FRAS1: variants seen among roughly 807,000 people sequenced by gnomAD.
FRAS1 encodes the protein extracellular matrix organizing protein FRAS1.
Under a neutral mutation model 435.2 loss-of-function variants are expected in FRAS1, and 290 were observed. That is an observed-to-expected ratio of 0.67 (90% CI 0.61 to 0.73). FRAS1 has a LOEUF of 0.73. Among genes scored for constraint, FRAS1 ranks in the 30% least tolerant of loss-of-function variants. The pLI is 0.00. For missense variants in FRAS1, 4,860 were observed against 5,001.5 expected (o/e 0.97, Z 0.85); for synonymous variants, 1,800 against 1,851.0 (o/e 0.97, Z 0.71).
At chr4:78,271,312 C>T (rs986989175) in intron 9 of FRAS1, among the ~76,000 whole-genome samples, 60 of 151,986 alleles carry the variant, frequency 3.9e-4, no homozygotes, top group African/African-American at 1.4e-3. Flanking sequence ...ATTGTTTTCT[C>T]CATTAATTTT....
intron 20 of FRAS1, among the ~76,000 whole-genome samples, chr4:78,361,838 C>T (rs1688360058): frequency 6.6e-6 from 1 of 152,128 alleles, no homozygotes; most frequent in Non-Finnish European, 1.5e-5. Context: ...GGTGGGAAGG[C>T]CCCGTAACCA....
Position 78,150,176 on chromosome 4 carries a change from C to A in FRAS1, c.108+84160C>A, listed in dbSNP as rs967518562. Among the ~76,000 whole-genome samples the A allele has an allele frequency of 2.6e-5, 4 of 152,306 alleles. No individual in the cohort carries two copies. The South Asian group carries it at 8.3e-4, about 32-fold the overall frequency. ...GAGGAAGGCCCCAGAGCTTGTAAAGCCCATCTCAGGAAGAGCCTGCAGACT... is the reference window on the plus strand; with the variant it reads ...GAGGAAGGCCCCAGAGCTTGTAAAGACCATCTCAGGAAGAGCCTGCAGACT... On this transcript the variant is annotated intron_variant, in intron 2 of 73. Coordinates refer to ENST00000512123, the MANE Select transcript of FRAS1 (RefSeq NM_025074.7).
intron 2 of FRAS1, among the ~76,000 whole-genome samples, chr4:78,123,569 G>A (rs571866017): frequency 1.3e-5 from 2 of 152,190 alleles, no homozygotes; most frequent in African/African-American, 2.4e-5. Flanking sequence ...ATTTTGGGCA[G>A]TAAGGCCATT....
At chr4:78,434,352 T>G (rs1193849249) in intron 38 of FRAS1, among the ~76,000 whole-genome samples, 1 of 152,178 alleles carries the variant, frequency 6.6e-6, no homozygotes, top group African/African-American at 2.4e-5. Flanking sequence ...ACAGCATGGG[T>G]TCTGGAGTTA....
chr4:78,064,928 GT>G (rs1207533851), intron 1 of FRAS1, among the ~76,000 whole-genome samples: 1 of 151,630 alleles, frequency 6.6e-6, no homozygotes, highest in Non-Finnish European at 1.5e-5. Context: ...TGCAGACTCA[GT>G]TTCTGAGAGA....
Position 78,445,602 on chromosome 4 carries a change from T to TAC in FRAS1, c.5747_5748dup (p.Phe1917ThrfsTer20). On this transcript the variant is annotated frameshift_variant, in exon 42 of 74. Coordinates refer to ENST00000512123, the MANE Select transcript of FRAS1 (RefSeq NM_025074.7). LOFTEE classifies it high-confidence loss of function. ...AGACGTCCTGGAAAACTACATTTAC[T>TAC]ACTTTCAGAGTGTTCATGAAAGCAT... The TAC allele has an allele frequency of 1.2e-6, 2 of 1,613,656 alleles. No individual in the cohort carries two copies. Among genetic ancestry groups the TAC allele is most frequent in the Non-Finnish European group, 1.7e-6 (2 of 1,179,690 alleles).
intron 26 of FRAS1, 47 bp from the exon 27 acceptor site, chr4:78,379,667 AAGTGACCTAATT>A: frequency 6.6e-7 from 1 of 1,514,468 alleles, no homozygotes; most frequent in Non-Finnish European, 9.0e-7. Flanking sequence ...AATAAGGGGA[AAGTGACCTAATT>A]AGTGAAGGTA....
At chr4:78,516,443 A>T (rs1045277645) in intron 66 of FRAS1, among the ~76,000 whole-genome samples, 1 of 152,222 alleles carries the variant, frequency 6.6e-6, no homozygotes, top group Non-Finnish European at 1.5e-5. Flanking sequence ...CTGTTGTCCT[A>T]TGCATTGTGG....
intron 2 of FRAS1, among the ~76,000 whole-genome samples, chr4:78,205,002 T>C (rs918055729): frequency 2.6e-5 from 4 of 152,164 alleles, no homozygotes; most frequent in African/African-American, 9.7e-5. Context: ...ATCTGCATTT[T>C]GCTCTGTTTC....
chr4:78,117,062 A>C (rs965960908), intron 2 of FRAS1, among the ~76,000 whole-genome samples: 13 of 152,158 alleles, frequency 8.5e-5, no homozygotes, highest in African/African-American at 2.9e-4. Flanking sequence ...TTTGTCTCTA[A>C]AGGATTTTAT....
At position 78,337,571 on chromosome 4, in the gene FRAS1, G is replaced by A. The variant is rs1578260580; in HGVS notation, c.2279-103G>A. The A allele has an allele frequency of 6.0e-6, 8 of 1,331,020 alleles. No homozygotes were observed. In the East Asian group the frequency reaches 7.0e-5, roughly 12 times the overall value. 82.5% of individuals were successfully genotyped at this position (1,331,020 alleles called of 1,614,324 possible). A position where few individuals can be genotyped will look rare whatever the true frequency, so the allele number is the denominator to read the frequency against. On this transcript the variant is annotated intron_variant, in intron 19 of 73. Coordinates refer to ENST00000512123, the MANE Select transcript of FRAS1 (RefSeq NM_025074.7). ...CAGGAATCTTCTAAAGATGATTAGA[G>A]TTGGAGGTCTGCTTTTAATGTAATT...
intron 2 of FRAS1, among the ~76,000 whole-genome samples, chr4:78,227,669 G>A (rs561262031): frequency 6.6e-6 from 1 of 152,200 alleles, no homozygotes; most frequent in South Asian, 2.1e-4. Context: ...CACAGCTGTG[G>A]CATGCCAGAT....
In FRAS1 at chr4:78,522,824, G is replaced by T; in HGVS notation, c.10808+16G>T. The T allele has an allele frequency of 6.3e-7, 1 of 1,587,304 alleles. No individual in the cohort carries two copies. The highest frequency in any genetic ancestry group is 8.6e-7 in the Non-Finnish European group (1 of 1,168,652). Reference sequence around the variant, plus strand: ...CTTATAACAGGTAAATACAGTGATGGAGGCCTCCATGGGTAGAGCTGAATG... The same window carrying T: ...CTTATAACAGGTAAATACAGTGATGTAGGCCTCCATGGGTAGAGCTGAATG... On this transcript the variant is annotated intron_variant, in intron 69 of 73. Coordinates refer to ENST00000512123, the MANE Select transcript of FRAS1 (RefSeq NM_025074.7).
chr4:78,224,418 A>G (rs894853918), intron 2 of FRAS1, among the ~76,000 whole-genome samples: 10 of 152,228 alleles, frequency 6.6e-5, no homozygotes, highest in African/African-American at 2.4e-4. Context: ...ATACATACGT[A>G]TGTATGCAAT....
At chr4:78,160,043 A>G (rs917634720) in intron 2 of FRAS1, among the ~76,000 whole-genome samples, 4 of 152,200 alleles carry the variant, frequency 2.6e-5, no homozygotes, top group African/African-American at 9.6e-5. Context: ...CCGTGCTACA[A>G]GTCAGAGTGG....
intron 2 of FRAS1, among the ~76,000 whole-genome samples, chr4:78,112,881 G>A (rs1742833944): frequency 6.6e-6 from 1 of 151,858 alleles, no homozygotes; most frequent in Non-Finnish European, 1.5e-5. Context: ...CAACGTGCAG[G>A]TTTGTTTCAT....
intron 64 of FRAS1, among the ~76,000 whole-genome samples, chr4:78,512,277 A>T (rs534267281): frequency 2.1e-4 from 32 of 152,146 alleles, no homozygotes; most frequent in Non-Finnish European, 4.0e-4. Context: ...TTGCTCATAA[A>T]CTCAGAAAAA....
At chr4:78,058,665 C>T (rs1163149827) in intron 1 of FRAS1, among the ~76,000 whole-genome samples, 1 of 152,148 alleles carries the variant, frequency 6.6e-6, no homozygotes, top group Non-Finnish European at 1.5e-5. Flanking sequence ...AACCAGCCTG[C>T]TTCCCAGAAC....
chr4:78,374,547 T>A lies in FRAS1; in HGVS notation c.3151+296T>A, dbSNP rs1357422812. Among the ~76,000 whole-genome samples, 3 of 152,216 alleles carry A rather than the reference T, an allele frequency of 2.0e-5. No homozygotes were observed. The East Asian group carries it at 5.8e-4, about 29-fold the overall frequency. ...GCTTCTATTGATCTACAGTGAGGGA[T>A]CCATTAAGAGTGGATCAGCCCTGTT... On this transcript the variant is annotated intron_variant, in intron 25 of 73. Transcript: ENST00000512123.
Sources: allele counts gnomAD v4.1 joint callset (sites outside exome capture counted in the v4.1 genomes callset), GRCh38; gene constraint gnomAD v4.1.1; transcripts MANE v1.5; gene names NCBI Gene and HGNC (gene_info 2026-07-23, HGNC 2026-07-21).